TENM4: variants seen among roughly 807,000 people sequenced by gnomAD.
The protein encoded by TENM4 is teneurin transmembrane protein 4.
Under a neutral mutation model 243.3 loss-of-function variants are expected in TENM4, and 82 were observed. The observed-to-expected ratio is 0.34, with a 90% CI of 0.28 to 0.40. The LOEUF is 0.40. Ranked by LOEUF, TENM4 falls within the 10% of genes least tolerant of loss-of-function variation. The pLI, the probability that TENM4 is intolerant of heterozygous loss-of-function variation, is 1.00. For missense variants in TENM4, 3,138 were observed against 3,673.3 expected (o/e 0.85, Z 3.77); for synonymous variants, 1,412 against 1,456.3 (o/e 0.97, Z 0.69).
intron 3 of TENM4, among the ~76,000 whole-genome samples, chr11:79,167,948 C>T (rs1218629190): frequency 6.6e-6 from 1 of 152,244 alleles, no homozygotes; most frequent in African/African-American, 2.4e-5. Context: ...GACATCCACA[C>T]TGACACCCAC....
At chr11:79,130,748 G>A (rs11237725) in intron 4 of TENM4, among the ~76,000 whole-genome samples, 57,305 of 151,960 alleles carry the variant, frequency 0.38, 12,209 homozygotes, top group Middle Eastern at 0.5. Flanking sequence ...GTGTGAACTC[G>A]GGGGGCGGAG....
chr11:79,361,902 A>G (rs1438732150), intron 1 of TENM4, among the ~76,000 whole-genome samples: 1 of 152,240 alleles, frequency 6.6e-6, no homozygotes, highest in African/African-American at 2.4e-5. Context: ...TAGCAGAATA[A>G]AACCTGTATC....
At chr11:79,165,475 C>A (rs899583376) in intron 3 of TENM4, among the ~76,000 whole-genome samples, 1 of 152,034 alleles carries the variant, frequency 6.6e-6, no homozygotes, top group African/African-American at 2.4e-5. Flanking sequence ...TCTTAGCCTA[C>A]TTTTTGATGA....
chr11:78,755,658 C>T (rs1249763573), intron 19 of TENM4, among the ~76,000 whole-genome samples: 1 of 152,148 alleles, frequency 6.6e-6, no homozygotes, highest in Non-Finnish European at 1.5e-5. Context: ...CTGCTCTCTG[C>T]TCCTCAGCCT....
intron 1 of TENM4, among the ~76,000 whole-genome samples, chr11:79,409,150 G>A (rs1239179066): frequency 4.0e-5 from 6 of 149,828 alleles, no homozygotes; most frequent in Admixed American, 4.0e-4. Flanking sequence ...GAGAGTTAGT[G>A]GTTTTAGAAT....
intron 1 of TENM4, among the ~76,000 whole-genome samples, chr11:79,305,190 T>C (rs555802): frequency 0.79 from 119,744 of 152,204 alleles, 47,349 homozygotes; most frequent in Middle Eastern, 0.9. Flanking sequence ...AGCTCTGGCT[T>C]ATGTAAGTTG....
chr11:78,812,026 C>CA, intron 14 of TENM4, 96 bp downstream of exon 14: 1 of 1,444,546 alleles, frequency 6.9e-7, no homozygotes, highest in Admixed American at 2.3e-5. Context: ...CAAAATGGCT[C>CA]AGGAGGCTTC....
chr11:79,391,439 T>C (rs776651703), intron 1 of TENM4, among the ~76,000 whole-genome samples: 1 of 152,134 alleles, frequency 6.6e-6, no homozygotes, highest in African/African-American at 2.4e-5. Flanking sequence ...GAGGTCCACA[T>C]GTCTTTGGGA....
At chr11:78,824,107 C>A (rs1251291461) in intron 12 of TENM4, among the ~76,000 whole-genome samples, 1 of 152,142 alleles carries the variant, frequency 6.6e-6, no homozygotes, top group African/African-American at 2.4e-5. Flanking sequence ...CATACCACAA[C>A]TGCCAATCCG....
At position 78,979,887 on chromosome 11, in the gene TENM4, T is replaced by G. The variant is rs77547523; in HGVS notation, c.494-76364A>C. On this transcript the variant is annotated intron_variant, in intron 6 of 33. Transcript: ENST00000278550. Reference sequence around the variant, plus strand: ...CACCAAACTTCTCTGGGTCTGAAATTTAGCTGAAAATTAGCATGGTTACAT... The same window carrying G: ...CACCAAACTTCTCTGGGTCTGAAATGTAGCTGAAAATTAGCATGGTTACAT... Among the ~76,000 whole-genome samples the G allele has an allele frequency of 7.6e-3, 1,158 of 152,294 alleles. 18 individuals are homozygous for G. The highest frequency in any genetic ancestry group is 0.026 in the African/African-American group (1,074 of 41,562).
chr11:78,727,498 CAT>C (rs1175614486), intron 22 of TENM4, among the ~76,000 whole-genome samples: 2 of 151,808 alleles, frequency 1.3e-5, no homozygotes, highest in Non-Finnish European at 2.9e-5. Flanking sequence ...TACAGAATCA[CAT>C]ATGACTTTTT....
rs1340627648 is a variant in TENM4 at position 79,124,891 on chromosome 11, A to ATGTGTG, written c.-66+23818_-66+23819insCACACA. Among the ~76,000 whole-genome samples, 54 of 57,846 alleles carry ATGTGTG rather than the reference A, an allele frequency of 9.3e-4. 1 individual carries two copies. The highest frequency in any genetic ancestry group is 1.2e-3 in the South Asian group (2 of 1,692). The allele number at this position is 57,846 out of a possible 152,430, so 37.9% of individuals were successfully genotyped here. On this transcript the variant is annotated intron_variant, in intron 4 of 33. Transcript: ENST00000278550. Reference sequence around the variant, plus strand: ...TATGTATGTGTATATATGTATATGTATATGTGTGTGTGTGTGTGTGTGTGT... The same window carrying ATGTGTG: ...TATGTATGTGTATATATGTATATGTATGTGTGTATGTGTGTGTGTGTGTGTGTGTGT...
chr11:78,657,678 A>G lies in TENM4; in HGVS notation c.*380T>C, dbSNP rs1857928838. The G allele has an allele frequency of 1.0e-5, 4 of 391,606 alleles. No homozygotes were observed. The highest frequency in any genetic ancestry group is 4.5e-5 in the South Asian group (2 of 44,194). The allele number at this position is 391,606 out of a possible 1,614,324, so 24.3% of individuals were successfully genotyped here. ...AGGGTTGCACATGAGACAAGTTAGCACAGACATTCATGTCCCACATCACAC... is the reference window on the plus strand; with the variant it reads ...AGGGTTGCACATGAGACAAGTTAGCGCAGACATTCATGTCCCACATCACAC... On this transcript the variant is annotated 3_prime_UTR_variant, in exon 34 of 34. Coordinates refer to ENST00000278550, the MANE Select transcript of TENM4 (RefSeq NM_001098816.3).
At chr11:78,781,689 G>T (rs1040509331) in intron 16 of TENM4, among the ~76,000 whole-genome samples, 2 of 152,044 alleles carry the variant, frequency 1.3e-5, no homozygotes, top group African/African-American at 4.8e-5. Context: ...AACTCGAACG[G>T]CTGCATCATT....
intron 3 of TENM4, among the ~76,000 whole-genome samples, chr11:79,174,253 T>C (rs1863112551): frequency 6.6e-6 from 1 of 152,008 alleles, no homozygotes; most frequent in African/African-American, 2.4e-5. Context: ...GGGAGGGGTT[T>C]GCAAGAGGTG....
intron 4 of TENM4, among the ~76,000 whole-genome samples, chr11:79,119,301 A>G (rs1365657629): frequency 6.6e-6 from 1 of 151,778 alleles, no homozygotes. Context: ...TAAACAACCA[A>G]CAAATGTCTG....
Position 79,436,668 on chromosome 11 carries a change from A to T in TENM4, c.-321+3841T>A, listed in dbSNP as rs868813209. Among the ~76,000 whole-genome samples, 14 of 152,332 alleles carry T rather than the reference A, an allele frequency of 9.2e-5. No homozygotes were observed. In the Middle Eastern group the frequency reaches 0.01, roughly 111 times the overall value. On this transcript the variant is annotated intron_variant, in intron 1 of 33. Transcript: ENST00000278550. ...CCTTTGATGGTTCTTGTTCAGACCA[A>T]GCACTAGTTCTGCCCGTTGGCATCC...
chr11:78,976,062 A>C (rs1298253428), intron 6 of TENM4, among the ~76,000 whole-genome samples: 1 of 152,202 alleles, frequency 6.6e-6, no homozygotes, highest in Admixed American at 6.5e-5. Context: ...AATAACCTTA[A>C]TAAATAATAG....
intron 6 of TENM4, among the ~76,000 whole-genome samples, chr11:78,952,222 ACCTTCC>A (rs1857122457): frequency 6.6e-6 from 1 of 152,186 alleles, no homozygotes; most frequent in Non-Finnish European, 1.5e-5. Flanking sequence ...AATCAGAAAG[ACCTTCC>A]CTATTTTCAC....
Sources: gnomAD v4.1 joint callset for allele counts (sites outside exome capture counted in the v4.1 genomes callset) on GRCh38, gnomAD v4.1.1 for gene constraint, MANE v1.5 for transcripts, NCBI Gene and HGNC (gene_info 2026-07-23, HGNC 2026-07-21) for gene names.